The following PM20D2 variants were observed in gnomAD, a reference collection of about 807,000 sequenced individuals.
The protein encoded by PM20D2 is xaa-Arg dipeptidase.
PM20D2 carries 33 observed loss-of-function variants against 42.9 expected under a neutral mutation model. The observed-to-expected ratio is 0.77, with a 90% CI of 0.58 to 1.03. The LOEUF (loss-of-function observed/expected upper bound fraction) is 1.03, where lower values mean the gene tolerates loss of function less well. PM20D2 is among the 50% of genes least tolerant of loss of function. PM20D2 has a pLI of 0.00. For missense variants in PM20D2, 548 were observed against 557.0 expected (o/e 0.98, Z 0.16); for synonymous variants, 250 against 228.2 (o/e 1.10, Z -0.86).
chr6:89,134,046 C>T, the PM20D2 span, among the ~76,000 whole-genome samples: 1 of 151,322 alleles, frequency 6.6e-6, no homozygotes, highest in East Asian at 1.9e-4. Context: ...GCCTGTCAGT[C>T]CGGCTGAGGG....
chr6:89,161,969 T>C (rs1771256489), intron 6 of PM20D2, 79 bp downstream of exon 6: 1 of 1,490,366 alleles, frequency 6.7e-7, no homozygotes, highest in African/African-American at 1.4e-5. Context: ...TAACCTACTA[T>C]TTCACTACAT....
intron 5 of PM20D2, 43 bp from the exon 6 acceptor site, chr6:89,161,740 A>G: frequency 7.0e-7 from 1 of 1,432,800 alleles, no homozygotes; most frequent in Non-Finnish European, 9.8e-7. Context: ...ATACTTAACC[A>G]CATATACTTA....
the PM20D2 span, chr6:89,098,304 A>G: frequency 2.9e-3 from 866 of 295,140 alleles, 3 homozygotes; most frequent in Non-Finnish European, 4.1e-3. Context: ...GTTCCAGTTT[A>G]CTCATTTCCC....
chr6:89,112,383 G>A, the PM20D2 span, among the ~76,000 whole-genome samples: 2 of 151,492 alleles, frequency 1.3e-5, no homozygotes, highest in African/African-American at 4.9e-5. Context: ...TTTGAAAAAA[G>A]GAAGAAGAAA....
At chr6:89,117,305 G>A in the PM20D2 span, among the ~76,000 whole-genome samples, 1 of 152,188 alleles carries the variant, frequency 6.6e-6, no homozygotes, top group African/African-American at 2.4e-5. Context: ...AAGCAGCACC[G>A]TCTGTAAGTA....
rs1770978965 is a variant in PM20D2, at chr6:89,154,854, A to G, written c.864A>G (p.Lys288=). Residue 288 remains lysine (K), a synonymous_variant, in exon 4 of 7, where the codon AAA becomes AAG. Coordinates refer to ENST00000275072, the MANE Select transcript of PM20D2 (RefSeq NM_001010853.3). ...TGAAAGAACTTCAAGTTTTGACCAA[A>G]AAGGCAGAAGATTGCTTCAGAGCTG... ...PSMKELQVLT[K]KAEDCFRAAA... 6.2e-7 allele frequency: 1 copy of G among 1,609,286 alleles called. No homozygotes were observed. The highest frequency in any genetic ancestry group is 1.3e-5 in the African/African-American group (1 of 74,638).
chr6:89,125,675 C>G, the PM20D2 span, among the ~76,000 whole-genome samples: 1 of 151,390 alleles, frequency 6.6e-6, no homozygotes. Context: ...CCCAGCTACT[C>G]GGGAGGCTGA....
upstream of PM20D2, among the ~76,000 whole-genome samples, chr6:89,141,732 T>C (rs1041798386): frequency 1.3e-4 from 20 of 152,220 alleles, no homozygotes; most frequent in African/African-American, 4.3e-4. Context: ...TAGTCATCAA[T>C]TATTCTTGTA....
intron 4 of PM20D2, among the ~76,000 whole-genome samples, chr6:89,157,339 G>C (rs1003013283): frequency 2.6e-5 from 4 of 152,188 alleles, no homozygotes; most frequent in Non-Finnish European, 5.9e-5. Context: ...AAGAATAAAA[G>C]AAATGTCATC....
At chr6:89,120,540 A>G in the PM20D2 span, among the ~76,000 whole-genome samples, 47 of 152,298 alleles carry the variant, frequency 3.1e-4, no homozygotes, top group African/African-American at 8.9e-4. Flanking sequence ...AAATCAATTC[A>G]TGAGACATGT....
In PM20D2 at chr6:89,146,610, G is replaced by T; in HGVS notation, c.465+1G>T. 2.1e-6 allele frequency: 3 copies of T among 1,431,554 alleles called. No homozygotes were observed. The highest frequency in any genetic ancestry group is 1.8e-6 in the Non-Finnish European group (2 of 1,099,462). The allele number at this position is 1,431,554 out of a possible 1,614,324, so 88.7% of individuals were successfully genotyped here. A position where few individuals can be genotyped will look rare whatever the true frequency, so the allele number is the denominator to read the frequency against. On this transcript the variant is annotated splice_donor_variant, in intron 1 of 6. Transcript: ENST00000275072. LOFTEE classifies it high-confidence loss of function. ...CCCCAGGCCGCCTCCGCCCGTGAAGGTGAGGTGGGGCCCGGGTGCGGGACC... is the reference window on the plus strand; with the variant it reads ...CCCCAGGCCGCCTCCGCCCGTGAAGTTGAGGTGGGGCCCGGGTGCGGGACC...
chr6:89,158,274 T>C (rs1434923534), intron 4 of PM20D2, 51 bp from the exon 5 acceptor site: 2 of 1,479,928 alleles, frequency 1.4e-6, no homozygotes, highest in Non-Finnish European at 1.8e-6. Flanking sequence ...GAAAATTAGA[T>C]AGTGAATTTG....
rs776718116 is a variant in PM20D2, at chr6:89,153,203, C to T, written c.757+18C>T. On this transcript the variant is annotated intron_variant, in intron 3 of 6. Transcript: ENST00000275072. ...AGTTCATGGTATGAATGTCAAATACCTTCTATAATAGATGGTGCTTGCTAT... is the reference window on the plus strand; with the variant it reads ...AGTTCATGGTATGAATGTCAAATACTTTCTATAATAGATGGTGCTTGCTAT... 2 of 1,551,126 alleles carry T rather than the reference C, an allele frequency of 1.3e-6. No homozygotes were observed. The highest frequency in any genetic ancestry group is 1.7e-6 in the Non-Finnish European group (2 of 1,149,522).
At chr6:89,095,888 G>C in the PM20D2 span, 4 of 152,298 alleles carry the variant, frequency 2.6e-5, no homozygotes, top group East Asian at 7.7e-4. Flanking sequence ...ATGGTAGGTA[G>C]TACCCCTGCA....
chr6:89,140,714 C>T, the PM20D2 span, among the ~76,000 whole-genome samples: 2 of 152,168 alleles, frequency 1.3e-5, no homozygotes, highest in African/African-American at 4.8e-5. Flanking sequence ...CTCTCAGAAC[C>T]TCCCTGTCCT....
chr6:89,158,051 G>A (rs1043216824), intron 4 of PM20D2, among the ~76,000 whole-genome samples: 45 of 152,072 alleles, frequency 3.0e-4, no homozygotes, highest in Non-Finnish European at 1.2e-4. Flanking sequence ...ACCCTATCTA[G>A]GTGACTGAAG....
intron 1 of PM20D2, 134 bp from the exon 2 acceptor site, chr6:89,149,131 C>A (rs759442855): frequency 9.3e-7 from 1 of 1,076,504 alleles, no homozygotes; most frequent in Non-Finnish European, 1.3e-6. Context: ...ATTGCGTAAG[C>A]GTCATAGAAC....
the PM20D2 span, among the ~76,000 whole-genome samples, chr6:89,137,328 G>A: frequency 6.6e-6 from 1 of 152,188 alleles, no homozygotes; most frequent in Non-Finnish European, 1.5e-5. Context: ...TTTGAGACCA[G>A]CCTGGGCAAC....
At chr6:89,106,386 T>G in the PM20D2 span, among the ~76,000 whole-genome samples, 1 of 152,324 alleles carries the variant, frequency 6.6e-6, no homozygotes, top group Non-Finnish European at 1.5e-5. Flanking sequence ...GTGCTGGGAT[T>G]ACAGGCATGA....
Sources: allele counts gnomAD v4.1 joint callset (sites outside exome capture counted in the v4.1 genomes callset), GRCh38; gene constraint gnomAD v4.1.1; transcripts MANE v1.5; gene names NCBI Gene and HGNC (gene_info 2026-07-23, HGNC 2026-07-21).